The following CD300A variants were observed in gnomAD, a reference collection of about 807,000 sequenced individuals.
The protein encoded by CD300A is CD300a molecule.
A neutral mutation model predicts 33.6 loss-of-function variants in CD300A; 22 were observed. The observed-to-expected ratio is 0.66, with a 90% confidence interval of 0.47 to 0.94. The LOEUF is 0.94. Among genes scored for constraint, CD300A ranks in the 40% least tolerant of loss-of-function variants. The probability of loss-of-function intolerance (pLI) is 0.00; values close to 1 mark genes in which losing one functional copy is unlikely to be tolerated. For missense variants in CD300A, 326 were observed against 360.5 expected (o/e 0.90, Z 0.77); for synonymous variants, 136 against 148.1 (o/e 0.92, Z 0.59).
Position 74,477,419 on chromosome 17 carries a change from T to A in CD300A, c.534-17T>A. 6.2e-6 allele frequency: 10 copies of A among 1,603,762 alleles called. No homozygotes were observed. Among genetic ancestry groups the A allele is most frequent in the Non-Finnish European group, 8.5e-6 (10 of 1,171,324 alleles). ...AGGCAAGTTGGCCCCGCCCTTACCA[T>A]CCTGTGCCTCCTCCAGGCTCCCGCT... is the stretch of plus-strand genomic sequence containing the variant. On this transcript the variant is annotated splice_polypyrimidine_tract_variant and intron_variant, in intron 3 of 6. Transcript: ENST00000360141.
Position 74,466,678 on chromosome 17 carries a change from G to T in CD300A, c.-26G>T. On this transcript the variant is annotated 5_prime_UTR_variant, in exon 1 of 7. Coordinates refer to ENST00000360141, the MANE Select transcript of CD300A (RefSeq NM_007261.4). ...CAGGTAGGGCCTGGAGCTGCTGCAA[G>T]TGCCGCCTGTGCTGGGGAAGGGACC... is the stretch of plus-strand genomic sequence containing the variant. 6.3e-7 allele frequency: 1 copy of T among 1,587,452 alleles called. No homozygotes were observed. Among genetic ancestry groups the T allele is most frequent in the Non-Finnish European group, 8.6e-7 (1 of 1,166,368 alleles).
In CD300A at chr17:74,476,727, C is replaced by T. The variant is rs138292604; in HGVS notation, c.534-709C>T. On this transcript the variant is annotated intron_variant, in intron 3 of 6. Transcript: ENST00000360141. ...GCAAAGGACTGGGGAAATGCCCATT[C>T]AGTGGGAACATTTAAATAAATCACA... Among the ~76,000 whole-genome samples the T allele has an allele frequency of 2.2e-4, 33 of 152,270 alleles. No homozygotes were observed. The East Asian group carries it at 5.2e-3, about 24-fold the overall frequency.
intron 1 of CD300A, among the ~76,000 whole-genome samples, chr17:74,472,142 G>A (rs1906145138): frequency 6.6e-6 from 1 of 151,616 alleles, no homozygotes; most frequent in Non-Finnish European, 1.5e-5. Context: ...GTAGGCTGAG[G>A]CAGGAGAATC....
At position 74,484,366 on chromosome 17, in the gene CD300A, A is replaced by C; in HGVS notation, c.*240A>C. ...GCACTCCCAGCCACCAGTGCCTGTCACCTCTTTCCCCTTTGCCCCTGCTTC... is the reference window on the plus strand; with the variant it reads ...GCACTCCCAGCCACCAGTGCCTGTCCCCTCTTTCCCCTTTGCCCCTGCTTC... On this transcript the variant is annotated 3_prime_UTR_variant, in exon 7 of 7. Coordinates refer to ENST00000360141, the MANE Select transcript of CD300A (RefSeq NM_007261.4). 1 of 403,440 alleles carries C rather than the reference A, an allele frequency of 2.5e-6. No homozygotes were observed. Among genetic ancestry groups the C allele is most frequent in the East Asian group, 4.4e-5 (1 of 22,506 alleles). 25.0% of individuals were successfully genotyped at this position (403,440 alleles called of 1,614,324 possible). A position where few individuals can be genotyped will look rare whatever the true frequency, so the allele number is the denominator to read the frequency against.
chr17:74,473,605 C>G lies in CD300A; in HGVS notation c.110C>G (p.Pro37Arg), dbSNP rs769715693. 30 of 1,614,056 alleles carry G rather than the reference C, an allele frequency of 1.9e-5. No individual in the cohort carries two copies. The highest frequency in any genetic ancestry group is 2.5e-5 in the Non-Finnish European group (30 of 1,180,038). Reference protein sequence around the residue: ...PVGGSLSVQCPYEKEHRTLNK... With the variant: ...PVGGSLSVQCRYEKEHRTLNK... ...GGGGGATCCCTGAGTGTGCAGTGTCCCTATGAGAAGGAACACAGGACCCTC... is the reference window on the plus strand; with the variant it reads ...GGGGGATCCCTGAGTGTGCAGTGTCGCTATGAGAAGGAACACAGGACCCTC... The change falls in exon 2 of 7, where the codon CCC (proline) becomes CGC (arginine). Residue 37 changes from proline (P) to arginine (R), a missense_variant. Pro to Arg is a moderately radical substitution (Grantham distance 103). Coordinates refer to ENST00000360141, the MANE Select transcript of CD300A (RefSeq NM_007261.4).
chr17:74,472,110 C>T (rs540406347), intron 1 of CD300A, among the ~76,000 whole-genome samples: 12 of 151,760 alleles, frequency 7.9e-5, no homozygotes, highest in African/African-American at 1.2e-4. Context: ...GTGTGGTGGA[C>T]GCCTGTAATC....
Position 74,481,291 on chromosome 17 carries a change from G to C in CD300A, c.631G>C (p.Gly211Arg), listed in dbSNP as rs1429959295. Residue 211 changes from glycine to arginine, a missense_variant and splice_region_variant, in exon 5 of 7, where the codon GGT (glycine) becomes CGT (arginine). Gly to Arg is a moderately radical substitution (Grantham distance 125). Transcript: ENST00000360141. Reference protein sequence around the residue: ...WRMFQKWIKAGDHSELSQNPK... With the variant: ...WRMFQKWIKARDHSELSQNPK... ...CCTTCCTCTCCTCTTGTCTCTAGCT[G>C]GTGACCATTCAGAGCTGTCCCAGAA... 6.2e-7 allele frequency: 1 copy of C among 1,613,916 alleles called. No individual in the cohort carries two copies.
intron 4 of CD300A, among the ~76,000 whole-genome samples, chr17:74,478,010 C>G (rs1294371542): frequency 1.3e-5 from 2 of 152,224 alleles, no homozygotes; most frequent in African/African-American, 2.4e-5. Context: ...AGTCACTGCC[C>G]TCCACGATCT....
intron 1 of CD300A, among the ~76,000 whole-genome samples, chr17:74,469,104 A>G (rs564566292): frequency 6.6e-6 from 1 of 152,188 alleles, no homozygotes; most frequent in Admixed American, 6.5e-5. Context: ...TTTACATAAA[A>G]TTGAAATTAT....
intron 4 of CD300A, 68 bp from the exon 5 acceptor site, chr17:74,481,221 G>C: frequency 6.7e-7 from 1 of 1,496,680 alleles, no homozygotes; most frequent in Non-Finnish European, 9.3e-7. Context: ...TTCCCAGAAG[G>C]CTTGTAAGGT....
rs1261445802 is a variant in CD300A, at chr17:74,480,169, T to C, written c.629-1120T>C. ...AAGCAGGGCACTTCGCACCCCAGAG[T>C]ACCCGGCTGCGCACTCCATTAGGTC... On this transcript the variant is annotated intron_variant, in intron 4 of 6. Transcript: ENST00000360141. The surrounding 1 kb of genome is among the most constrained non-coding windows in gnomAD (Gnocchi z 4.2). Among the ~76,000 whole-genome samples the C allele has an allele frequency of 6.6e-6, 1 of 152,066 alleles. No individual in the cohort carries two copies. The highest frequency in any genetic ancestry group is 1.5e-5 in the Non-Finnish European group (1 of 67,994).
At chr17:74,478,200 C>A (rs1451321720) in intron 4 of CD300A, among the ~76,000 whole-genome samples, 3 of 152,242 alleles carry the variant, frequency 2.0e-5, no homozygotes, top group South Asian at 2.1e-4. Context: ...GGTCCTCAGA[C>A]TTTCTTTTCT....
rs888873428 is a variant in CD300A, at chr17:74,480,912, C to G, written c.629-377C>G. ...ACAGGGCGTGTGCCACCATGCCCAGCTAATATTTGTATTTTTAGTAGAGAC... is the reference window on the plus strand; with the variant it reads ...ACAGGGCGTGTGCCACCATGCCCAGGTAATATTTGTATTTTTAGTAGAGAC... On this transcript the variant is annotated intron_variant, in intron 4 of 6. Coordinates refer to ENST00000360141, the MANE Select transcript of CD300A (RefSeq NM_007261.4). This position sits in a 1 kb window ranked among gnomAD's most constrained non-coding sequence, Gnocchi z 4.2. Among the ~76,000 whole-genome samples, 22 of 152,234 alleles carry G rather than the reference C, an allele frequency of 1.4e-4. No individual in the cohort carries two copies. Among genetic ancestry groups the G allele is most frequent in the Admixed American group, 1.4e-3 (21 of 15,288 alleles).
chr17:74,472,493 CA>C (rs1443592239), intron 1 of CD300A, among the ~76,000 whole-genome samples: 1 of 152,122 alleles, frequency 6.6e-6, no homozygotes, highest in African/African-American at 2.4e-5. Context: ...GGGAAAATGT[CA>C]GACATAATTT....
intron 4 of CD300A, among the ~76,000 whole-genome samples, chr17:74,478,180 C>T (rs1052681283): frequency 6.6e-6 from 1 of 152,216 alleles, no homozygotes; most frequent in Non-Finnish European, 1.5e-5. Context: ...TCCCAGTGGA[C>T]TCCAACAGTG....
At chr17:74,473,081 G>T (rs558454286) in intron 1 of CD300A, among the ~76,000 whole-genome samples, 74 of 152,188 alleles carry the variant, frequency 4.9e-4, no homozygotes, top group Middle Eastern at 3.4e-3. Flanking sequence ...TGGCAGGTTT[G>T]GAAGCAGGAG....
intron 3 of CD300A, 60 bp from the exon 4 acceptor site, chr17:74,477,376 A>C (rs1239127753): frequency 8.9e-7 from 1 of 1,127,306 alleles, no homozygotes. Context: ...AAATAAAAAT[A>C]AAAAAGTAAG....
rs536539908 is a variant in CD300A, at chr17:74,480,339, A to G, written c.629-950A>G. On this transcript the variant is annotated intron_variant, in intron 4 of 6. Transcript: ENST00000360141. This position sits in a 1 kb window ranked among gnomAD's most constrained non-coding sequence, Gnocchi z 4.2. ...CTGGGGTTGCCTGGCTGTGGACCTA[A>G]CCAAGGGCATCAGCAGCGTGTGTGT... Among the ~76,000 whole-genome samples, 46 of 152,142 alleles carry G rather than the reference A, an allele frequency of 3.0e-4. 1 individual carries two copies. Among genetic ancestry groups the G allele is most frequent in the African/African-American group, 1.1e-3 (46 of 41,522 alleles).
At chr17:74,467,456 AGATC>A (rs2144495482) in intron 1 of CD300A, among the ~76,000 whole-genome samples, 1 of 152,182 alleles carries the variant, frequency 6.6e-6, no homozygotes, top group African/African-American at 2.4e-5. Flanking sequence ...AGGAGGGAAA[AGATC>A]GGGCAGAGAA....
Sources: allele counts gnomAD v4.1 joint callset (sites outside exome capture counted in the v4.1 genomes callset), GRCh38; gene constraint gnomAD v4.1.1; non-coding constraint Gnocchi (gnomAD v3.1); transcripts MANE v1.5; gene names NCBI Gene and HGNC (gene_info 2026-07-23, HGNC 2026-07-21).